BCL2L14: variants seen among roughly 807,000 people sequenced by gnomAD.
BCL2L14 encodes the protein BCL2 like 14.
In BCL2L14, 27 loss-of-function variants were observed where a neutral mutation model predicts 35.3. The observed-to-expected ratio is 0.76, with a 90% CI of 0.56 to 1.05. The LOEUF (loss-of-function observed/expected upper bound fraction) is 1.05, where lower values mean the gene tolerates loss of function less well. Ranked by LOEUF, BCL2L14 falls within the 50% of genes least tolerant of loss-of-function variation. BCL2L14 has a pLI of 0.00. For synonymous variants in BCL2L14, 139 were observed against 145.9 expected (o/e 0.95, Z 0.34); for missense variants, 377 against 382.6 (o/e 0.99, Z 0.12).
In BCL2L14 at chr12:12,090,853, T is replaced by C. The variant is rs776435359; in HGVS notation, c.678+4T>C. ...AGGAGATCAGTTGGAAAGAAAGGTA[T>C]GGAACACCTTGAACTGATGCGATTG... On this transcript the variant is annotated splice_donor_region_variant and intron_variant, in intron 4 of 5. Coordinates refer to ENST00000308721, the MANE Select transcript of BCL2L14 (RefSeq NM_138723.2). 6.2e-7 allele frequency: 1 copy of C among 1,609,546 alleles called. No individual in the cohort carries two copies. The highest frequency in any genetic ancestry group is 8.5e-7 in the Non-Finnish European group (1 of 1,176,650).
intron 4 of BCL2L14, among the ~76,000 whole-genome samples, chr12:12,093,277 A>G (rs949082904): frequency 6.6e-6 from 1 of 152,172 alleles, no homozygotes; most frequent in South Asian, 2.1e-4. Flanking sequence ...TAGCATCCTG[A>G]AAAATGACTC....
intron 2 of BCL2L14, among the ~76,000 whole-genome samples, chr12:12,081,399 G>A (rs1197608045): frequency 1.3e-5 from 2 of 150,308 alleles, no homozygotes; most frequent in African/African-American, 2.5e-5. Flanking sequence ...AGGCTGCAGT[G>A]AGCGAAGATC....
At chr12:12,072,257 C>A (rs1361562976) in intron 1 of BCL2L14, 2 of 152,264 alleles carry the variant, frequency 1.3e-5, no homozygotes, top group Non-Finnish European at 2.9e-5. Context: ...TGAAATCTCA[C>A]CTCAACAAGT....
intron 2 of BCL2L14, among the ~76,000 whole-genome samples, chr12:12,060,712 A>G (rs1316873932): frequency 6.6e-5 from 4 of 60,652 alleles, no homozygotes; most frequent in Admixed American, 1.9e-4. Flanking sequence ...CCTGCAGCCC[A>G]GGATTCCTCC....
rs183292353 is a variant in BCL2L14 at position 12,082,485 on chromosome 12, A to C, written c.433+2747A>C. On this transcript the variant is annotated intron_variant, in intron 2 of 5. Coordinates refer to ENST00000308721, the MANE Select transcript of BCL2L14 (RefSeq NM_138723.2). The stretch of plus-strand genomic sequence containing the variant: ...CAGCAGACAGAGAAAGCTTTTACAG[A>C]CCTTAGTCTTCTGGTTTTTCCTGAG... Among the ~76,000 whole-genome samples the C allele has an allele frequency of 5.8e-4, 88 of 152,272 alleles. 2 individuals are homozygous for C. The East Asian group carries it at 0.014, about 24-fold the overall frequency.
chr12:12,079,665 G>A lies in BCL2L14; in HGVS notation c.360G>A (p.Leu120=). The change falls in exon 2 of 6, where the codon TTG becomes TTA. Residue 120 remains leucine (L), a synonymous_variant. Coordinates refer to ENST00000308721, the MANE Select transcript of BCL2L14 (RefSeq NM_138723.2). ...AKVSAQGQRT[L]EYQDSHSQQW... is the part of the protein sequence containing the mutation. ...TCTCTGCTCAGGGTCAAAGGACGTTGGAATACCAAGATTCGCACAGCCAGC... is the reference window on the plus strand; with the variant it reads ...TCTCTGCTCAGGGTCAAAGGACGTTAGAATACCAAGATTCGCACAGCCAGC... 6.2e-7 allele frequency: 1 copy of A among 1,614,166 alleles called. No homozygotes were observed. Among genetic ancestry groups the A allele is most frequent in the East Asian group, 2.2e-5 (1 of 44,882 alleles).
chr12:12,060,085 G>T (rs553915106), intron 2 of BCL2L14, among the ~76,000 whole-genome samples: 1 of 150,316 alleles, frequency 6.7e-6, no homozygotes, highest in Non-Finnish European at 1.5e-5. Context: ...TCTCCTCCTC[G>T]CCAGGCCGAG....
At chr12:12,074,987 CT>C (rs566425945) in intron 1 of BCL2L14, among the ~76,000 whole-genome samples, 2,572 of 127,928 alleles carry the variant, frequency 0.02, 39 homozygotes, top group African/African-American at 0.029. Flanking sequence ...ATACACTGTA[CT>C]GTGTTTAGTT....
intron 1 of BCL2L14, chr12:12,051,673 A>G (rs1476271443): frequency 6.6e-6 from 1 of 152,238 alleles, no homozygotes; most frequent in Non-Finnish European, 1.5e-5. Context: ...TAAGATAAAT[A>G]GTCCACATTA....
chr12:12,097,019 C>T (rs1157596756), intron 5 of BCL2L14, among the ~76,000 whole-genome samples: 1 of 152,160 alleles, frequency 6.6e-6, no homozygotes, highest in African/African-American at 2.4e-5. Context: ...TGGCAGGTGC[C>T]TGTAGTCCCA....
At chr12:12,074,905 G>A (rs867461941) in intron 1 of BCL2L14, among the ~76,000 whole-genome samples, 19 of 152,010 alleles carry the variant, frequency 1.2e-4, no homozygotes, top group African/African-American at 4.1e-4. Flanking sequence ...GGCCTCCTAA[G>A]GTGGTGGGAT....
chr12:12,084,906 T>C (rs1036429318), intron 2 of BCL2L14, among the ~76,000 whole-genome samples: 1 of 151,774 alleles, frequency 6.6e-6, no homozygotes, highest in African/African-American at 2.4e-5. Flanking sequence ...ACCCTGTCTC[T>C]ACTGAAAATA....
intron 4 of BCL2L14, among the ~76,000 whole-genome samples, chr12:12,093,811 G>GAAAGA (rs1949251153): frequency 1.4e-5 from 2 of 143,562 alleles, no homozygotes; most frequent in Admixed American, 7.0e-5. Flanking sequence ...AAAAAAGAAA[G>GAAAGA]AAAGAAAAGA....
intron 2 of BCL2L14, among the ~76,000 whole-genome samples, chr12:12,065,535 CA>C (rs138173926): frequency 0.89 from 112,545 of 126,730 alleles, 49,753 homozygotes; most frequent in East Asian, 0.99. Flanking sequence ...GACTCCATCT[CA>C]AAAAAAAAAA....
chr12:12,089,089 G>A lies in BCL2L14; in HGVS notation c.608-1690G>A, dbSNP rs535051790. ...TCAGTGTAGAACTTTTATTTTGGCC[G>A]GGAGCGGTGGCTCGTGCCTGTAATC... On this transcript the variant is annotated intron_variant, in intron 3 of 5. Transcript: ENST00000308721. Among the ~76,000 whole-genome samples the A allele has an allele frequency of 1.1e-3, 172 of 152,174 alleles. 1 individual carries two copies. The highest frequency in any genetic ancestry group is 4.1e-3 in the African/African-American group (170 of 41,514).
In BCL2L14 at chr12:12,058,036, C is replaced by T. The variant is rs141465715; in HGVS notation, c.-272+6189C>T. ...CATCTTGGCTCACTGCAACCTCCCC[C>T]TCCTGTGTTCAAGCAATTCTTTTGC... is the stretch of plus-strand genomic sequence containing the variant. On this transcript the variant is annotated intron_variant, in intron 2 of 3. Coordinates refer to the BCL2L14 transcript ENST00000461264. Among the ~76,000 whole-genome samples the T allele has an allele frequency of 4.7e-3, 709 of 151,194 alleles. 4 individuals carry two copies. The highest frequency in any genetic ancestry group is 0.014 in the African/African-American group (587 of 41,128).
intron 4 of BCL2L14, among the ~76,000 whole-genome samples, chr12:12,092,248 A>G (rs1310763567): frequency 6.6e-6 from 1 of 152,210 alleles, no homozygotes; most frequent in African/African-American, 2.4e-5. Flanking sequence ...ATGAAGAGCG[A>G]TGGTTTCATT....
intron 4 of BCL2L14, among the ~76,000 whole-genome samples, chr12:12,093,870 C>T (rs983618812): frequency 3.3e-5 from 5 of 150,588 alleles, no homozygotes; most frequent in Admixed American, 6.6e-5. Flanking sequence ...AATCCCAACA[C>T]TTTGGGGAGG....
intron 1 of BCL2L14, among the ~76,000 whole-genome samples, chr12:12,074,980 CACTGT>C (rs10538473): frequency 0.73 from 109,207 of 149,860 alleles, 39,486 homozygotes; most frequent in African/African-American, 0.79. Context: ...CTAAAACATA[CACTGT>C]ACTGTGTTTA....
Sources: gnomAD v4.1 joint callset for allele counts (sites outside exome capture counted in the v4.1 genomes callset) on GRCh38, gnomAD v4.1.1 for gene constraint, MANE v1.5 for transcripts, NCBI Gene and HGNC (gene_info 2026-07-23, HGNC 2026-07-21) for gene names.